Variants in WBP2NL observed in about 807,000 individuals in gnomAD.
WBP2NL encodes postacrosomal sheath WW domain-binding protein.
WBP2NL carries 27 observed loss-of-function variants against 23.3 expected under a neutral mutation model. The ratio of observed to expected loss-of-function variants is 1.16; its 90% CI spans 0.85 to 1.60. The LOEUF is 1.60. Ranked by LOEUF, WBP2NL falls within the 40% of genes most tolerant of loss-of-function variation. WBP2NL has a pLI of 0.00. For synonymous variants in WBP2NL, 151 were observed against 145.9 expected, an observed-to-expected ratio of 1.03 and a Z score of -0.25; for missense variants, 370 against 389.5, an observed-to-expected ratio of 0.95 and a Z score of 0.42.
chr22:42,027,319 T>A lies in WBP2NL; in HGVS notation c.*138T>A. ...GTTCCACCCTTTGGAAGGGCAATCT[T>A]ATGGGGGAAGGTGAAACTTTACTTC... is the stretch of plus-strand genomic sequence containing the variant. On this transcript the variant is annotated 3_prime_UTR_variant, in exon 6 of 6. Coordinates refer to ENST00000328823, the MANE Select transcript of WBP2NL (RefSeq NM_152613.3). 1 of 1,112,620 alleles carries A rather than the reference T, an allele frequency of 9.0e-7. No individual in the cohort carries two copies. The highest frequency in any genetic ancestry group is 1.2e-6 in the Non-Finnish European group (1 of 815,052). The allele number at this position is 1,112,620 out of a possible 1,614,324, so 68.9% of individuals were successfully genotyped here.
At chr22:42,040,209 A>T (rs1602477472) in intron 8 of WBP2NL, among the ~76,000 whole-genome samples, 1 of 147,502 alleles carries the variant, frequency 6.8e-6, no homozygotes, top group South Asian at 2.1e-4. Flanking sequence ...TTTAATTGAG[A>T]TCTATCTTCT....
intron 5 of WBP2NL, among the ~76,000 whole-genome samples, chr22:42,026,549 A>G (rs922478470): frequency 6.6e-6 from 1 of 152,104 alleles, no homozygotes; most frequent in Non-Finnish European, 1.5e-5. Flanking sequence ...GCACCGATCT[A>G]TTGATAGGGT....
At chr22:42,006,263 C>T (rs979680074) in intron 1 of WBP2NL, among the ~76,000 whole-genome samples, 12 of 151,406 alleles carry the variant, frequency 7.9e-5, no homozygotes, top group Non-Finnish European at 1.8e-4. Context: ...CTCTGTCACC[C>T]AGGCTGGAGT....
chr22:42,020,140 G>A, intron 4 of WBP2NL, 44 bp downstream of exon 4: 1 of 1,536,328 alleles, frequency 6.5e-7, no homozygotes, highest in African/African-American at 1.4e-5. Context: ...GGGGTTTTTT[G>A]TTTGTTTGTT....
chr22:42,019,493 A>T, intron 2 of WBP2NL, 74 bp downstream of exon 2: 1 of 1,565,624 alleles, frequency 6.4e-7, no homozygotes, highest in Non-Finnish European at 8.7e-7. Flanking sequence ...AAACTTAAAC[A>T]TTGACTTTTG....
chr22:42,056,083 TAA>T (rs1424952607), intron 8 of WBP2NL, among the ~76,000 whole-genome samples: 3 of 152,242 alleles, frequency 2.0e-5, no homozygotes, highest in Non-Finnish European at 4.4e-5. Flanking sequence ...TGTTATGTCT[TAA>T]GTCTCTTTTG....
At chr22:42,001,569 GAGGGTA>G (rs1315614007) in intron 1 of WBP2NL, 1 of 1,134,150 alleles carries the variant, frequency 8.8e-7, no homozygotes, top group Non-Finnish European at 1.3e-6. Flanking sequence ...GCAAAATCAA[GAGGGTA>G]CACAAAACAC....
intron 1 of WBP2NL, among the ~76,000 whole-genome samples, chr22:42,006,187 A>G (rs1018469472): frequency 1.1e-4 from 17 of 151,398 alleles, no homozygotes; most frequent in Non-Finnish European, 2.1e-4. Context: ...TTCATGGATC[A>G]TTAGGCTCCT....
chr22:42,023,313 A>G (rs919228993), intron 5 of WBP2NL, among the ~76,000 whole-genome samples: 10 of 151,356 alleles, frequency 6.6e-5, no homozygotes, highest in African/African-American at 2.2e-4. Flanking sequence ...GTACCCCCCA[A>G]CCAGAGTAGG....
At chr22:42,018,437 AAAG>A (rs1923544324) in intron 1 of WBP2NL, among the ~76,000 whole-genome samples, 1 of 151,634 alleles carries the variant, frequency 6.6e-6, no homozygotes, top group Non-Finnish European at 1.5e-5. Flanking sequence ...GAAAGGAAAG[AAAG>A]AAGTGAGGGA....
intron 1 of WBP2NL, among the ~76,000 whole-genome samples, chr22:42,011,249 G>GT (rs905039915): frequency 5.3e-5 from 8 of 151,044 alleles, no homozygotes; most frequent in East Asian, 1.9e-4. Flanking sequence ...TTGTTGAGAG[G>GT]TTTTTTTTTC....
At chr22:42,038,319 T>C (rs1925268081) in intron 8 of WBP2NL, among the ~76,000 whole-genome samples, 1 of 152,248 alleles carries the variant, frequency 6.6e-6, no homozygotes, top group African/African-American at 2.4e-5. Flanking sequence ...ATCCTATGGA[T>C]AAATCCCACT....
chr22:42,003,388 T>C (rs1391704917), intron 1 of WBP2NL: 4 of 152,616 alleles, frequency 2.6e-5, no homozygotes, highest in Non-Finnish European at 4.4e-5. Context: ...GTACAGTGTT[T>C]CCACTTTTTG....
chr22:42,023,340 A>C (rs545126148), intron 5 of WBP2NL, among the ~76,000 whole-genome samples: 2 of 152,064 alleles, frequency 1.3e-5, no homozygotes, highest in South Asian at 4.2e-4. Flanking sequence ...CCACAGGCGC[A>C]ATCCACCATG....
chr22:42,038,330 C>T (rs1402205838), intron 8 of WBP2NL, among the ~76,000 whole-genome samples: 2 of 152,144 alleles, frequency 1.3e-5, no homozygotes, highest in African/African-American at 4.8e-5. Flanking sequence ...AAATCCCACT[C>T]TATCATGTTG....
chr22:42,046,824 T>C (rs1434547773), intron 8 of WBP2NL, among the ~76,000 whole-genome samples: 1 of 152,216 alleles, frequency 6.6e-6, no homozygotes, highest in East Asian at 1.9e-4. Context: ...GCACTGGTGC[T>C]AATGTCTAAT....
chr22:42,024,504 T>TA (rs1569451095), intron 5 of WBP2NL, among the ~76,000 whole-genome samples: 2 of 150,452 alleles, frequency 1.3e-5, no homozygotes, highest in East Asian at 3.9e-4. Flanking sequence ...CTTCCTTTTT[T>TA]TAAAAAAAAA....
chr22:42,002,537 T>G (rs1428313227), intron 1 of WBP2NL: 1 of 152,206 alleles, frequency 6.6e-6, no homozygotes, highest in Non-Finnish European at 1.5e-5. Flanking sequence ...TGTAGTGAGC[T>G]GAGATCATGA....
At position 42,001,772 on chromosome 22, in the gene WBP2NL, G is replaced by A. The variant is rs534552960; in HGVS notation, c.62+2892G>A. 69 of 1,189,452 alleles carry A rather than the reference G, an allele frequency of 5.8e-5. 1 individual carries two copies. The South Asian group carries it at 6.0e-4, about 10-fold the overall frequency. 73.7% of individuals were successfully genotyped at this position (1,189,452 alleles called of 1,614,324 possible). ...GGTTACCGCACCAGGACAGGACTCC[G>A]TGCTCCTTGGGAATACAGACCATGC... On this transcript the variant is annotated intron_variant, in intron 1 of 5. Coordinates refer to ENST00000328823, the MANE Select transcript of WBP2NL (RefSeq NM_152613.3).
Sources: gnomAD v4.1 joint callset for allele counts (sites outside exome capture counted in the v4.1 genomes callset) on GRCh38, gnomAD v4.1.1 for gene constraint, MANE v1.5 for transcripts, NCBI Gene and HGNC (gene_info 2026-07-23, HGNC 2026-07-21) for gene names.